GPC6: variants seen among roughly 807,000 people sequenced by gnomAD.
The protein encoded by GPC6 is glypican 6, also known as glypican-6.
Under a neutral mutation model 55.2 loss-of-function variants are expected in GPC6, and 14 were observed. The ratio of observed to expected loss-of-function variants is 0.25; its 90% confidence interval spans 0.17 to 0.40. The LOEUF is 0.40. GPC6 is among the 10% of genes least tolerant of loss of function. GPC6 has a pLI of 1.00. For missense variants in GPC6, 641 were observed against 708.5 expected, an observed-to-expected ratio of 0.90 and a Z score of 1.08; for synonymous variants, 278 against 259.6, an observed-to-expected ratio of 1.07 and a Z score of -0.68.
intron 4 of GPC6, among the ~76,000 whole-genome samples, chr13:94,076,585 T>C (rs1038252752): frequency 2.0e-5 from 3 of 151,960 alleles, no homozygotes; most frequent in Admixed American, 1.3e-4. Context: ...TTCCTGTGTG[T>C]TTTCTCCTAG....
intron 1 of GPC6, among the ~76,000 whole-genome samples, chr13:93,382,442 GACTTTTTCTCC>G (rs1405447653): frequency 1.3e-5 from 2 of 152,006 alleles, no homozygotes; most frequent in African/African-American, 2.4e-5. Context: ...AGTTAATGTA[GACTTTTTCTCC>G]ACTTTGTATT....
intron 2 of GPC6, among the ~76,000 whole-genome samples, chr13:93,641,969 A>G (rs1007860944): frequency 2.0e-5 from 3 of 152,054 alleles, no homozygotes; most frequent in East Asian, 3.9e-4. Context: ...ATAATTATAC[A>G]TAACTGTAGT....
At chr13:93,393,624 G>C (rs1019445815) in intron 1 of GPC6, among the ~76,000 whole-genome samples, 1 of 141,564 alleles carries the variant, frequency 7.1e-6, no homozygotes, top group Admixed American at 7.1e-5. Context: ...TAAGGACTTA[G>C]ACCTGTTCTC....
chr13:93,935,133 T>G (rs79089824), intron 3 of GPC6, among the ~76,000 whole-genome samples: 346 of 152,262 alleles, frequency 2.3e-3, no homozygotes, highest in African/African-American at 8.2e-3. Context: ...AATTTTAGGT[T>G]TGGGTGGTAC....
At chr13:93,917,271 TTCAC>T (rs1877338914) in intron 3 of GPC6, among the ~76,000 whole-genome samples, 1 of 152,160 alleles carries the variant, frequency 6.6e-6, no homozygotes, top group African/African-American at 2.4e-5. Context: ...TTATTTCTCA[TTCAC>T]TCTTATGAAA....
intron 4 of GPC6, among the ~76,000 whole-genome samples, chr13:94,124,769 C>A (rs1886749992): frequency 6.6e-6 from 1 of 152,028 alleles, no homozygotes; most frequent in African/African-American, 2.4e-5. Flanking sequence ...AGCAAGGACA[C>A]AAGTCAGAAT....
chr13:93,230,796 T>C (rs1875978839), intron 1 of GPC6, among the ~76,000 whole-genome samples: 2 of 152,212 alleles, frequency 1.3e-5, no homozygotes, highest in Non-Finnish European at 2.9e-5. Context: ...TCTAAACTTC[T>C]AAAGGAACTC....
chr13:93,717,309 G>A (rs75703731), intron 2 of GPC6, among the ~76,000 whole-genome samples: 3 of 151,694 alleles, frequency 2.0e-5, no homozygotes, highest in Non-Finnish European at 1.5e-5. Flanking sequence ...TTTAAAATTA[G>A]AGTCTTCTTT....
At chr13:93,263,763 C>A (rs1236033331) in intron 1 of GPC6, among the ~76,000 whole-genome samples, 1 of 152,160 alleles carries the variant, frequency 6.6e-6, no homozygotes, top group African/African-American at 2.4e-5. Flanking sequence ...TTATTACAAA[C>A]CACACTATAG....
intron 2 of GPC6, among the ~76,000 whole-genome samples, chr13:93,703,574 T>C (rs1882746155): frequency 6.6e-6 from 1 of 151,882 alleles, no homozygotes; most frequent in African/African-American, 2.4e-5. Context: ...TTCTTGAAAA[T>C]TCTAATGGTC....
intron 3 of GPC6, among the ~76,000 whole-genome samples, chr13:93,997,199 A>G (rs182404163): frequency 2.6e-3 from 398 of 152,314 alleles, no homozygotes; most frequent in Middle Eastern, 0.014. Context: ...AAGTGAATGA[A>G]TGAATGTTTT....
chr13:93,426,554 A>G (rs933944935), intron 1 of GPC6, among the ~76,000 whole-genome samples: 1 of 152,002 alleles, frequency 6.6e-6, no homozygotes, highest in African/African-American at 2.4e-5. Context: ...ATGTCCCCAC[A>G]AAGGACATGA....
intron 1 of GPC6, among the ~76,000 whole-genome samples, chr13:93,455,720 G>A (rs185660069): frequency 3.1e-4 from 47 of 152,150 alleles, no homozygotes; most frequent in Non-Finnish European, 4.9e-4. Context: ...CTGGTGGAAG[G>A]TCCTAGTTGC....
chr13:94,307,713 T>G (rs557272961), intron 6 of GPC6, among the ~76,000 whole-genome samples: 370 of 152,354 alleles, frequency 2.4e-3, no homozygotes, highest in Non-Finnish European at 4.5e-3. Context: ...ACTAGTCAGC[T>G]GTTTTAAAGA....
chr13:94,343,077 T>A (rs1878121822), intron 6 of GPC6, among the ~76,000 whole-genome samples: 1 of 152,186 alleles, frequency 6.6e-6, no homozygotes, highest in Non-Finnish European at 1.5e-5. Context: ...ACAGAAGTGA[T>A]CCTTGTCATT....
At chr13:94,253,113 G>C (rs982234564) in intron 4 of GPC6, among the ~76,000 whole-genome samples, 4 of 152,098 alleles carry the variant, frequency 2.6e-5, no homozygotes, top group African/African-American at 7.2e-5. Flanking sequence ...GAGGTATGTA[G>C]AGAGTATATG....
intron 1 of GPC6, among the ~76,000 whole-genome samples, chr13:93,463,731 A>G (rs1006240158): frequency 6.7e-6 from 1 of 148,504 alleles, no homozygotes; most frequent in Admixed American, 7.1e-5. Context: ...TTGCCTTGTA[A>G]GTAAATGGCT....
intron 1 of GPC6, among the ~76,000 whole-genome samples, chr13:93,417,858 T>TA (rs1428129264): frequency 6.6e-6 from 1 of 151,934 alleles, no homozygotes; most frequent in Non-Finnish European, 1.5e-5. Flanking sequence ...AAATAAAAAA[T>TA]AAAAAATAAA....
At chr13:93,711,158 T>C (rs960069155) in intron 2 of GPC6, among the ~76,000 whole-genome samples, 6 of 151,742 alleles carry the variant, frequency 4.0e-5, no homozygotes, top group African/African-American at 1.4e-4. Context: ...AAATGGTACA[T>C]CTGAAAGAAG....
Sources: gnomAD v4.1 joint callset for allele counts (sites outside exome capture counted in the v4.1 genomes callset) on GRCh38, gnomAD v4.1.1 for gene constraint, MANE v1.5 for transcripts, NCBI Gene and HGNC (gene_info 2026-07-23, HGNC 2026-07-21) for gene names.